Variants in ZCWPW2 observed in about 807,000 individuals in gnomAD.
The protein encoded by ZCWPW2 is zinc finger CW-type and PWWP domain containing 2.
ZCWPW2 carries 45 observed loss-of-function variants against 46.6 expected under a neutral mutation model. The ratio of observed to expected loss-of-function variants is 0.96; its 90% CI spans 0.76 to 1.24. ZCWPW2 has a LOEUF of 1.24. Ranked by LOEUF, ZCWPW2 falls within the 50% of genes most tolerant of loss-of-function variation. The pLI, the probability that ZCWPW2 is intolerant of heterozygous loss-of-function variation, is 0.00. For missense variants in ZCWPW2, 429 were observed against 403.9 expected (o/e 1.06, Z -0.53); for synonymous variants, 152 against 137.1 (o/e 1.11, Z -0.76).
intron 1 of ZCWPW2, among the ~76,000 whole-genome samples, chr3:28,365,657 A>T (rs2125696963): frequency 1.4e-5 from 2 of 141,084 alleles, no homozygotes; most frequent in Non-Finnish European, 3.2e-5. Context: ...TATGAACTTT[A>T]AAGTAGTTTT....
At chr3:28,421,100 C>T (rs992265991) in intron 3 of ZCWPW2, among the ~76,000 whole-genome samples, 1 of 152,060 alleles carries the variant, frequency 6.6e-6, no homozygotes, top group Admixed American at 6.6e-5. Flanking sequence ...GTGGGAGCAC[C>T]TCTTTGTTAC....
In ZCWPW2 at chr3:28,380,299, A is replaced by G. The variant is rs1452563819; in HGVS notation, c.-133-10199A>G. 2.0e-5 allele frequency among the ~76,000 whole-genome samples: 3 copies of G among 151,702 alleles called. No homozygotes were observed. In the East Asian group the frequency reaches 5.8e-4, roughly 29 times the overall value. Reference sequence around the variant, plus strand: ...ACGCCCGGCCAGTTTATTTTTTTTTATGCTGGACTCCTTCCCCTCACCACC... The same window carrying G: ...ACGCCCGGCCAGTTTATTTTTTTTTGTGCTGGACTCCTTCCCCTCACCACC... On this transcript the variant is annotated intron_variant, in intron 1 of 9. Transcript: ENST00000383768.
At chr3:28,466,979 T>C (rs577394453) in intron 4 of ZCWPW2, among the ~76,000 whole-genome samples, 1 of 152,160 alleles carries the variant, frequency 6.6e-6, no homozygotes, top group Admixed American at 6.5e-5. Flanking sequence ...TGTTGGAAGG[T>C]TGAACAAAAG....
intron 7 of ZCWPW2, among the ~76,000 whole-genome samples, chr3:28,514,648 G>A (rs768891055): frequency 3.9e-5 from 6 of 152,126 alleles, no homozygotes; most frequent in East Asian, 1.9e-4. Flanking sequence ...TTAGAAGTAC[G>A]GAAAAAGCTT....
At chr3:28,477,221 A>T (rs1434436439) in intron 4 of ZCWPW2, among the ~76,000 whole-genome samples, 1 of 152,102 alleles carries the variant, frequency 6.6e-6, no homozygotes, top group African/African-American at 2.4e-5. Flanking sequence ...AAAATTTCCA[A>T]TATTTAGTGA....
At chr3:28,512,263 C>T (rs1473884432) in intron 6 of ZCWPW2, among the ~76,000 whole-genome samples, 7 of 152,012 alleles carry the variant, frequency 4.6e-5, no homozygotes, top group African/African-American at 7.2e-5. Context: ...CTGCAGCCTC[C>T]GCCTTCAGGG....
chr3:28,414,084 T>C (rs916641510), intron 3 of ZCWPW2, among the ~76,000 whole-genome samples: 3 of 152,070 alleles, frequency 2.0e-5, no homozygotes, highest in Non-Finnish European at 4.4e-5. Context: ...TATAACCTAT[T>C]ATATTTGTTC....
chr3:28,520,956 T>G (rs1399632022), intron 8 of ZCWPW2, 36 bp from the exon 9 acceptor site: 2 of 1,609,340 alleles, frequency 1.2e-6, no homozygotes, highest in African/African-American at 2.7e-5. Flanking sequence ...TTAAGTGAGA[T>G]GTAGCATTTT....
intron 1 of ZCWPW2, among the ~76,000 whole-genome samples, chr3:28,360,263 T>C (rs1456313512): frequency 6.8e-6 from 1 of 148,100 alleles, no homozygotes; most frequent in Admixed American, 7.0e-5. Context: ...TCCAGCACTT[T>C]GGGAGGCAAA....
intron 2 of ZCWPW2, among the ~76,000 whole-genome samples, chr3:28,390,833 T>C (rs1405080093): frequency 6.6e-6 from 1 of 152,220 alleles, no homozygotes; most frequent in Non-Finnish European, 1.5e-5. Context: ...TGTGGAATCT[T>C]CTTACACTTT....
chr3:28,467,265 A>G (rs1382578037), intron 4 of ZCWPW2, among the ~76,000 whole-genome samples: 1 of 149,872 alleles, frequency 6.7e-6, no homozygotes, highest in Non-Finnish European at 1.5e-5. Context: ...AAAAAAGAAA[A>G]CACAAAAGTA....
intron 4 of ZCWPW2, among the ~76,000 whole-genome samples, chr3:28,453,324 T>C (rs965747869): frequency 1.3e-5 from 2 of 152,210 alleles, no homozygotes; most frequent in African/African-American, 4.8e-5. Flanking sequence ...CAACTTCATC[T>C]CTTATGAATT....
intron 1 of ZCWPW2, among the ~76,000 whole-genome samples, chr3:28,375,048 T>C (rs1369175679): frequency 1.3e-5 from 2 of 152,054 alleles, no homozygotes; most frequent in East Asian, 3.9e-4. Context: ...TGCTGAATCC[T>C]CTTGCTGAAT....
At chr3:28,363,030 G>A (rs893885986) in intron 1 of ZCWPW2, among the ~76,000 whole-genome samples, 1 of 144,696 alleles carries the variant, frequency 6.9e-6, no homozygotes, top group Non-Finnish European at 1.5e-5. Context: ...TGGACAGAAA[G>A]GAGAACAACA....
chr3:28,484,466 C>T (rs1304311004), intron 5 of ZCWPW2, among the ~76,000 whole-genome samples: 1 of 152,004 alleles, frequency 6.6e-6, no homozygotes, highest in African/African-American at 2.4e-5. Context: ...TAATTGTAGG[C>T]CTATTCAGAT....
At chr3:28,400,371 G>C (rs1307233222) in intron 2 of ZCWPW2, among the ~76,000 whole-genome samples, 1 of 152,134 alleles carries the variant, frequency 6.6e-6, no homozygotes, top group African/African-American at 2.4e-5. Flanking sequence ...ATATTTGGGA[G>C]AATAATCAAG....
chr3:28,408,054 G>A (rs1696235166), intron 2 of ZCWPW2, among the ~76,000 whole-genome samples: 1 of 152,114 alleles, frequency 6.6e-6, no homozygotes, highest in Non-Finnish European at 1.5e-5. Context: ...CTGGTAGCCT[G>A]GATAAAACGT....
At chr3:28,442,134 A>C (rs1697785870) in intron 4 of ZCWPW2, among the ~76,000 whole-genome samples, 1 of 152,176 alleles carries the variant, frequency 6.6e-6, no homozygotes, top group Non-Finnish European at 1.5e-5. Flanking sequence ...AGCCTTTTGG[A>C]TCACTGACTA....
chr3:28,367,792 A>T (rs917856120), intron 1 of ZCWPW2, among the ~76,000 whole-genome samples: 1 of 152,142 alleles, frequency 6.6e-6, no homozygotes, highest in African/African-American at 2.4e-5. Context: ...GTCTCTTTGT[A>T]GGTCTCTAAG....
Sources: gnomAD v4.1 joint callset for allele counts (sites outside exome capture counted in the v4.1 genomes callset) on GRCh38, gnomAD v4.1.1 for gene constraint, MANE v1.5 for transcripts, NCBI Gene and HGNC (gene_info 2026-07-23, HGNC 2026-07-21) for gene names.